UNC80: variants seen among roughly 807,000 people sequenced by gnomAD.
UNC80 encodes the protein unc-80 subunit of NALCN channel complex.
In UNC80, 164 loss-of-function variants were observed where a neutral mutation model predicts 384.6. That is an observed-to-expected ratio of 0.43 (90% CI 0.38 to 0.49). The LOEUF is 0.49. Among genes scored for constraint, UNC80 ranks in the 20% least tolerant of loss-of-function variants. The probability of loss-of-function intolerance (pLI) is 0.00; values close to 1 mark genes in which losing one functional copy is unlikely to be tolerated. For missense variants in UNC80, 3,330 were observed against 4,143.0 expected, an observed-to-expected ratio of 0.80 and a Z score of 5.39; for synonymous variants, 1,486 against 1,527.8, an observed-to-expected ratio of 0.97 and a Z score of 0.64.
chr2:209,802,235 GCA>G (rs1393955170), intron 7 of UNC80, among the ~76,000 whole-genome samples: 1 of 151,948 alleles, frequency 6.6e-6, no homozygotes, highest in Non-Finnish European at 1.5e-5. Flanking sequence ...GTGATCTGTT[GCA>G]CAGAGTGGTG....
intron 9 of UNC80, 111 bp from the exon 10 acceptor site, chr2:209,816,798 C>T: frequency 5.1e-6 from 5 of 973,990 alleles, no homozygotes; most frequent in Non-Finnish European, 7.6e-6. Flanking sequence ...TCTGGGTCTT[C>T]TCTTCCTGGC....
chr2:209,941,457 G>T lies in UNC80; in HGVS notation c.6883G>T (p.Gly2295Cys). Residue 2295 changes from glycine (G) to cysteine (C), a missense_variant, in exon 44 of 65, where the codon GGC becomes TGC. This residue lies in a region of UNC80 where 1,049 missense variants were observed against 1,488.6 expected (regional missense o/e 0.70). Coordinates refer to ENST00000673920, the MANE Select transcript of UNC80 (RefSeq NM_001371986.1). ...VHFNHLFSLSGYQWILPTMLQ... is the reference protein window; with the variant it reads ...VHFNHLFSLSCYQWILPTMLQ... ...CTTCAACCACCTCTTCTCTCTCAGC[G>T]GCTACCAGTGGATTCTCCCCACCAT... 1 of 1,541,000 alleles carries T rather than the reference G, an allele frequency of 6.5e-7. No homozygotes were observed. The highest frequency in any genetic ancestry group is 2.5e-5 in the East Asian group (1 of 40,584).
intron 14 of UNC80, among the ~76,000 whole-genome samples, chr2:209,828,051 G>GTATTT: frequency 6.6e-6 from 1 of 152,114 alleles, no homozygotes; most frequent in Middle Eastern, 3.2e-3. Flanking sequence ...AACTCATACA[G>GTATTT]ATGATACAAA....
intron 59 of UNC80, among the ~76,000 whole-genome samples, chr2:209,981,871 C>G (rs1463678968): frequency 3.9e-5 from 6 of 152,154 alleles, no homozygotes; most frequent in African/African-American, 1.4e-4. Flanking sequence ...TATGTGCTAG[C>G]TTTTCTCAAA....
intron 51 of UNC80, among the ~76,000 whole-genome samples, chr2:209,964,064 G>A (rs2092674832): frequency 6.6e-6 from 1 of 152,154 alleles, no homozygotes; most frequent in African/African-American, 2.4e-5. Flanking sequence ...CCTAAACCAG[G>A]ATGCCTATCA....
rs1365412147 is a variant in UNC80 at position 209,813,518 on chromosome 2, C to A, written c.939-62C>A. 18 of 1,490,260 alleles carry A rather than the reference C, an allele frequency of 1.2e-5. No individual in the cohort carries two copies. The East Asian group carries it at 2.7e-4, about 23-fold the overall frequency. 92.3% of individuals were successfully genotyped at this position (1,490,260 alleles called of 1,614,324 possible). On this transcript the variant is annotated intron_variant, in intron 7 of 64. Transcript: ENST00000673920. ...GAGAAAAGTAGAGCTATAAGCCATG[C>A]TGTGCTGCCCCTCTGAAAGCTTGAT...
At chr2:209,808,939 T>C (rs2079127172) in intron 7 of UNC80, 1 of 312,336 alleles carries the variant, frequency 3.2e-6, no homozygotes, top group Non-Finnish European at 6.2e-6. Context: ...CTCCACTGCT[T>C]TGCTGCCAAC....
At chr2:209,921,147 A>G (rs1433864822) in intron 33 of UNC80, among the ~76,000 whole-genome samples, 2 of 152,204 alleles carry the variant, frequency 1.3e-5, no homozygotes, top group Admixed American at 6.5e-5. Context: ...TGTCCATTTA[A>G]AAACAGTTCA....
At chr2:209,844,599 T>C (rs896875014) in intron 21 of UNC80, among the ~76,000 whole-genome samples, 4 of 150,336 alleles carry the variant, frequency 2.7e-5, no homozygotes, top group Admixed American at 2.0e-4. Context: ...TTCTTCCTTC[T>C]TTCTTTTTGA....
At chr2:209,904,354 T>C (rs564275050) in intron 28 of UNC80, among the ~76,000 whole-genome samples, 1 of 152,334 alleles carries the variant, frequency 6.6e-6, no homozygotes, top group African/African-American at 2.4e-5. Flanking sequence ...CCCACAGCTG[T>C]CAAAGGTCAG....
chr2:209,876,567 A>G (rs2084805844), intron 23 of UNC80, among the ~76,000 whole-genome samples: 1 of 152,162 alleles, frequency 6.6e-6, no homozygotes, highest in South Asian at 2.1e-4. Flanking sequence ...TAGTTACAAC[A>G]TCCTGGAATG....
chr2:209,804,284 G>A (rs1341067256), intron 7 of UNC80, among the ~76,000 whole-genome samples: 1 of 152,156 alleles, frequency 6.6e-6, no homozygotes, highest in Non-Finnish European at 1.5e-5. Context: ...TGAAATTAAG[G>A]TGGAAAAATA....
At chr2:209,945,447 C>T (rs1329840094) in intron 46 of UNC80, among the ~76,000 whole-genome samples, 2 of 152,100 alleles carry the variant, frequency 1.3e-5, no homozygotes, top group African/African-American at 2.4e-5. Context: ...ACTGCTGTAG[C>T]ACTGCAGTTT....
At chr2:209,968,931 T>C (rs1422746181) in intron 52 of UNC80, 1 of 152,212 alleles carries the variant, frequency 6.6e-6, no homozygotes, top group African/African-American at 2.4e-5. Flanking sequence ...ACACAAGAAA[T>C]GTTGACTGAA....
At chr2:209,867,702 C>G (rs1218809250) in intron 22 of UNC80, among the ~76,000 whole-genome samples, 1 of 152,058 alleles carries the variant, frequency 6.6e-6, no homozygotes, top group Admixed American at 6.6e-5. Context: ...GGAAACCCAT[C>G]CGGTCTCTCT....
intron 30 of UNC80, among the ~76,000 whole-genome samples, chr2:209,913,372 C>G (rs1247625447): frequency 6.6e-6 from 1 of 152,056 alleles, no homozygotes. Flanking sequence ...AAGGGAAATG[C>G]CATGCATGTT....
chr2:209,858,371 A>T (rs183668196), intron 22 of UNC80, among the ~76,000 whole-genome samples: 1 of 152,220 alleles, frequency 6.6e-6, no homozygotes, highest in Non-Finnish European at 1.5e-5. Flanking sequence ...CTTTACTTTC[A>T]ACTTTTCTAT....
intron 26 of UNC80, among the ~76,000 whole-genome samples, chr2:209,889,567 C>G (rs984611522): frequency 6.6e-6 from 1 of 152,062 alleles, no homozygotes; most frequent in African/African-American, 2.4e-5. Context: ...TAGGTATAGA[C>G]GTGCTGTGGT....
At chr2:209,905,115 A>G in intron 29 of UNC80, 150 bp downstream of exon 29, 1 of 806,384 alleles carries the variant, frequency 1.2e-6, no homozygotes, top group African/African-American at 1.7e-5. Flanking sequence ...TGTACAAGAA[A>G]GACAAATGTT....
Sources: gnomAD v4.1 joint callset for allele counts (sites outside exome capture counted in the v4.1 genomes callset) on GRCh38, gnomAD v4.1.1 for gene constraint, gnomAD v4.1.1 regional missense constraint, MANE v1.5 for transcripts, NCBI Gene and HGNC (gene_info 2026-07-23, HGNC 2026-07-21) for gene names.